The following MFSD12 variants were observed in gnomAD, a reference collection of about 807,000 sequenced individuals.
The protein encoded by MFSD12 is major facilitator superfamily domain containing 12.
MFSD12 carries 67 observed loss-of-function variants against 51.2 expected under a neutral mutation model. That is an observed-to-expected ratio of 1.31 (90% CI 1.08 to 1.60). MFSD12 has a LOEUF of 1.60. Ranked by LOEUF, MFSD12 falls within the 40% of genes most tolerant of loss-of-function variation. The probability of loss-of-function intolerance (pLI) is 0.00; values close to 1 mark genes in which losing one functional copy is unlikely to be tolerated. For missense variants in MFSD12, 921 were observed against 673.0 expected, an observed-to-expected ratio of 1.37 and a Z score of -4.08; for synonymous variants, 441 against 316.7, an observed-to-expected ratio of 1.39 and a Z score of -4.17.
At position 3,551,569 on chromosome 19, in the gene MFSD12, G is replaced by T. The variant is rs933036240; in HGVS notation, c.299-375C>A. The stretch of plus-strand genomic sequence containing the variant: ...GGAGCGGGAGGCCCAGGTGGGCCTG[G>T]GCTGGACCCCTCCTTAAGCTCCGCC... On this transcript the variant is annotated intron_variant, in intron 1 of 9. Coordinates refer to ENST00000355415, the MANE Select transcript of MFSD12 (RefSeq NM_174983.5). This position sits in a 1 kb window ranked among gnomAD's most constrained non-coding sequence, Gnocchi z 4.6. 6.6e-6 allele frequency among the ~76,000 whole-genome samples: 1 copy of T among 152,092 alleles called. No homozygotes were observed. The highest frequency in any genetic ancestry group is 2.4e-5 in the African/African-American group (1 of 41,432).
At chr19:3,539,364 G>T, downstream of MFSD12, 1 of 694,060 alleles carries the variant, frequency 1.4e-6, no homozygotes, top group Non-Finnish European at 2.5e-6. Context: ...CGTGTCACTC[G>T]TTATTCCTAA....
In MFSD12 at chr19:3,551,054, T is replaced by C. The variant is rs1468600828; in HGVS notation, c.439A>G (p.Ile147Val). The C allele has an allele frequency of 1.6e-5, 26 of 1,612,742 alleles. No individual in the cohort carries two copies. The highest frequency in any genetic ancestry group is 2.2e-5 in the Non-Finnish European group (26 of 1,179,982). ...IFQFGWASTQISHLSLIPELV... is the reference protein window; with the variant it reads ...IFQFGWASTQVSHLSLIPELV... ...TCCGGGATGAGGCTGAGGTGGGAGA[T>C]CTGTGTGGAGGCCCAGCCAAACTGG... Residue 147 changes from isoleucine to valine, a missense_variant, in exon 2 of 10, where the codon ATC (isoleucine) becomes GTC (valine). Transcript: ENST00000355415. The surrounding 1 kb of genome is among the most constrained non-coding windows in gnomAD (Gnocchi z 4.6).
chr19:3,550,960 G>A (rs1172826272), intron 2 of MFSD12, 24 bp downstream of exon 2: 3 of 1,599,670 alleles, frequency 1.9e-6, no homozygotes, highest in Admixed American at 1.7e-5. Flanking sequence ...CCCTGCCCGT[G>A]GGGGAGGGTG....
rs186384474 is a variant in MFSD12 at position 3,553,901 on chromosome 19, G to A, written c.299-2707C>T. 2.1e-3 allele frequency among the ~76,000 whole-genome samples: 311 copies of A among 149,528 alleles called. 2 individuals carry two copies. Among genetic ancestry groups the A allele is most frequent in the African/African-American group, 7.5e-3 (306 of 40,596 alleles). ...GTTCGAGACCAGCCTGACCAACATG[G>A]TGAAACCCTGTCTCTACTAAAAATA... On this transcript the variant is annotated intron_variant, in intron 1 of 9. Transcript: ENST00000355415.
chr19:3,542,679 T>A, downstream of MFSD12: 1 of 1,201,522 alleles, frequency 8.3e-7, no homozygotes, highest in Non-Finnish European at 1.1e-6. Flanking sequence ...GATGGGGTTT[T>A]ACCATGCTGG....
intron 6 of MFSD12, 31 bp from the exon 7 acceptor site, chr19:3,546,456 A>G: frequency 2.5e-6 from 4 of 1,579,004 alleles, no homozygotes; most frequent in Non-Finnish European, 3.4e-6. Flanking sequence ...TCAGGCCCAC[A>G]CCACTGGGTG....
downstream of MFSD12, chr19:3,539,248 C>G: frequency 6.5e-7 from 1 of 1,548,990 alleles, no homozygotes. Flanking sequence ...AGCTTCCCAG[C>G]ACCGCTGTAC....
intron 5 of MFSD12, 41 bp from the exon 6 acceptor site, chr19:3,547,405 C>A (rs753944481): frequency 6.2e-7 from 1 of 1,611,654 alleles, no homozygotes; most frequent in Non-Finnish European, 8.5e-7. Flanking sequence ...AGTCATGGCT[C>A]GCCAGGCTGG....
At chr19:3,550,503 T>C (rs2031412043) in intron 2 of MFSD12, among the ~76,000 whole-genome samples, 3 of 151,844 alleles carry the variant, frequency 2.0e-5, no homozygotes, top group South Asian at 2.1e-4. Context: ...ACCATTCTCC[T>C]GCCTCAGCCT....
intron 1 of MFSD12, among the ~76,000 whole-genome samples, chr19:3,552,538 G>C (rs1010441719): frequency 1.4e-5 from 2 of 141,954 alleles, no homozygotes; most frequent in Non-Finnish European, 3.0e-5. Flanking sequence ...GCAGTGGTGC[G>C]ATCTCAGCTC....
chr19:3,547,576 AG>A (rs752788887), intron 4 of MFSD12, 29 bp from the exon 5 acceptor site: 80 of 1,569,430 alleles, frequency 5.1e-5, no homozygotes. Context: ...AGGGACTGGC[AG>A]GGGTCAGGAG....
In MFSD12 at chr19:3,547,915, A is replaced by G. The variant is rs755819123; in HGVS notation, c.770T>C (p.Leu257Ser). The G allele has an allele frequency of 7.0e-6, 11 of 1,577,926 alleles. No homozygotes were observed. In the Admixed American group the frequency reaches 8.0e-5, roughly 12 times the overall value. ...AEEPGEHTPL[L>S]APATAQPLLL... is the part of the protein sequence containing the mutation. The stretch of plus-strand genomic sequence containing the variant: ...CAGGGGCTGGGCCGTGGCAGGGGCC[A>G]ACAGGGGGGTGTGCTCGCCTGGCTC... Residue 257 changes from leucine to serine, a missense_variant, in exon 4 of 10, where the codon TTG becomes TCG. Coordinates refer to ENST00000355415, the MANE Select transcript of MFSD12 (RefSeq NM_174983.5).
In MFSD12 at chr19:3,547,900, G is replaced by A; in HGVS notation, c.785C>T (p.Ala262Val). The A allele has an allele frequency of 6.4e-7, 1 of 1,566,598 alleles. No homozygotes were observed. Among genetic ancestry groups the A allele is most frequent in the Non-Finnish European group, 8.6e-7 (1 of 1,164,810 alleles). Residue 262 changes from alanine (A) to valine (V), a missense_variant, in exon 4 of 10, where the codon GCC becomes GTC. By Grantham distance (64) the Ala-to-Val change is moderately conservative (BLOSUM62 0). Transcript: ENST00000355415. ...EHTPLLAPAT[A>V]QPLLLWKHWL... ...GTGCTTCCAGAGCAGCAGGGGCTGG[G>A]CCGTGGCAGGGGCCAACAGGGGGGT...
At chr19:3,550,054 C>G (rs1568259702) in intron 2 of MFSD12, among the ~76,000 whole-genome samples, 1 of 152,106 alleles carries the variant, frequency 6.6e-6, no homozygotes, top group Non-Finnish European at 1.5e-5. Flanking sequence ...GCAGCAGCCA[C>G]CGTGATCTCC....
intron 1 of MFSD12, among the ~76,000 whole-genome samples, chr19:3,555,995 C>T (rs1386051812): frequency 1.3e-5 from 2 of 152,194 alleles, no homozygotes; most frequent in Non-Finnish European, 2.9e-5. Context: ...CCTGCCCTCC[C>T]AACAGCCCTC....
At chr19:3,542,992 G>C, downstream of MFSD12, 1 of 1,588,956 alleles carries the variant, frequency 6.3e-7, no homozygotes, top group African/African-American at 1.3e-5. Flanking sequence ...GAACAGAAAG[G>C]TTTAGTGCTG....
downstream of MFSD12, chr19:3,542,582 T>G (rs1325448480): frequency 2.6e-6 from 2 of 772,530 alleles, no homozygotes; most frequent in African/African-American, 3.8e-5. Flanking sequence ...CAAGCGATTC[T>G]CCTGCCTCAG....
chr19:3,552,466 C>T (rs2031526078), intron 1 of MFSD12, among the ~76,000 whole-genome samples: 1 of 112,310 alleles, frequency 8.9e-6, no homozygotes, highest in Non-Finnish European at 1.7e-5. Flanking sequence ...CCGCGCCCCG[C>T]CTTTTTTTTT....
rs1319911926 is a variant in MFSD12 at position 3,548,251 on chromosome 19, C to A, written c.526G>T (p.Val176Leu). ...GCGCCGTAGACGGTGATGTTGGCCA[C>A]CACGGTGAACGCATACCTGGCGGGC... is the stretch of plus-strand genomic sequence containing the variant. ...LTALRYAFTVVANITVYGAAW... is the reference protein window; with the variant it reads ...LTALRYAFTVLANITVYGAAW... Residue 176 changes from valine (V) to leucine (L), a missense_variant, in exon 3 of 10, where the codon GTG (valine) becomes TTG (leucine). Val to Leu is a conservative substitution (Grantham distance 32). Transcript: ENST00000355415. The A allele has an allele frequency of 2.6e-6, 4 of 1,549,814 alleles. No homozygotes were observed. The South Asian group carries it at 4.7e-5, about 18-fold the overall frequency.
Sources: gnomAD v4.1 joint callset for allele counts (sites outside exome capture counted in the v4.1 genomes callset) on GRCh38, gnomAD v4.1.1 for gene constraint, Gnocchi (gnomAD v3.1) non-coding constraint, MANE v1.5 for transcripts, NCBI Gene and HGNC (gene_info 2026-07-23, HGNC 2026-07-21) for gene names.